Variants in EVL observed in about 807,000 individuals in gnomAD.
EVL encodes the protein ena/VASP-like protein.
Under a neutral mutation model 59.6 loss-of-function variants are expected in EVL, and 21 were observed. The ratio of observed to expected loss-of-function variants is 0.35; its 90% CI spans 0.25 to 0.51. The LOEUF (loss-of-function observed/expected upper bound fraction) is 0.51, where lower values mean the gene tolerates loss of function less well. EVL is among the 20% of genes least tolerant of loss of function. EVL has a pLI of 0.97. For synonymous variants in EVL, 198 were observed against 203.5 expected (o/e 0.97, Z 0.23); for missense variants, 462 against 546.6 (o/e 0.85, Z 1.54).
intron 2 of EVL, among the ~76,000 whole-genome samples, chr14:100,092,545 G>T (rs1286111444): frequency 6.6e-6 from 1 of 152,096 alleles, no homozygotes; most frequent in African/African-American, 2.4e-5. Context: ...GATCAGCCTG[G>T]CCAACATGGT....
chr14:99,972,422 C>A lies in EVL; in HGVS notation c.5+365C>A, dbSNP rs948494867. Among the ~76,000 whole-genome samples the A allele has an allele frequency of 2.0e-5, 3 of 152,068 alleles. No individual in the cohort carries two copies. Among genetic ancestry groups the A allele is most frequent in the Admixed American group, 2.0e-4 (3 of 15,282 alleles). On this transcript the variant is annotated intron_variant, in intron 1 of 13. Coordinates refer to the EVL transcript ENST00000402714. This position sits in a 1 kb window ranked among gnomAD's most constrained non-coding sequence, Gnocchi z 4.4. ...GGCCGTGTCCCGACCGCGCGAGGAC[C>A]GAAGTTGGCGGAAGCCCCTGTGCGG...
rs889779527 is a variant in EVL, at chr14:100,138,045, G to C, written c.1094+243G>C. 6 of 265,432 alleles carry C rather than the reference G, an allele frequency of 2.3e-5. No homozygotes were observed. In the Admixed American group the frequency reaches 3.4e-4, roughly 15 times the overall value. The allele number at this position is 265,432 out of a possible 1,614,324, so 16.4% of individuals were successfully genotyped here. A position where few individuals can be genotyped will look rare whatever the true frequency, so the allele number is the denominator to read the frequency against. ...GTGACCTGTCCACAGAGGTAGTGCA[G>C]GGGGGGGCCAACATGGAGTCCCAGC... is the stretch of plus-strand genomic sequence containing the variant. On this transcript the variant is annotated intron_variant, in intron 11 of 13. Coordinates refer to ENST00000392920, the MANE Select transcript of EVL (RefSeq NM_016337.3).
intron 1 of EVL, among the ~76,000 whole-genome samples, chr14:100,010,606 A>G (rs2061010785): frequency 6.6e-6 from 1 of 152,166 alleles, no homozygotes; most frequent in African/African-American, 2.4e-5. Flanking sequence ...CATGTTGGCC[A>G]GGCTGGTCTC....
At chr14:100,137,138 C>T (rs1888846307) in intron 9 of EVL, 1 of 194,318 alleles carries the variant, frequency 5.1e-6, no homozygotes, top group Non-Finnish European at 1.1e-5. Context: ...TTAAAAAAGA[C>T]AAGCCAGCCA....
At chr14:100,018,885 T>C (rs564823461) in intron 1 of EVL, among the ~76,000 whole-genome samples, 2 of 152,336 alleles carry the variant, frequency 1.3e-5, no homozygotes, top group South Asian at 4.1e-4. Context: ...TGGCATCTCG[T>C]TTCCTCCTTC....
chr14:100,103,785 G>A (rs552263310), intron 3 of EVL, among the ~76,000 whole-genome samples: 6 of 152,274 alleles, frequency 3.9e-5, no homozygotes, highest in African/African-American at 7.2e-5. Flanking sequence ...GGATCCCAGC[G>A]CCCATCACAG....
At chr14:100,075,572 C>G (rs895944399) in intron 1 of EVL, among the ~76,000 whole-genome samples, 1 of 152,154 alleles carries the variant, frequency 6.6e-6, no homozygotes, top group Non-Finnish European at 1.5e-5. Context: ...CTGCAGAGCC[C>G]GGGCCAGAGG....
At chr14:100,091,849 T>C (rs898505921) in intron 2 of EVL, among the ~76,000 whole-genome samples, 3 of 152,206 alleles carry the variant, frequency 2.0e-5, no homozygotes, top group African/African-American at 7.2e-5. Context: ...CCGTGGAACC[T>C]GATGCTGTCT....
In EVL at chr14:99,988,248, T is replaced by A. The variant is rs374359134; in HGVS notation, c.5+16191T>A. ...CCTGATTTTAAAATGGGCAAATTAT[T>A]TGAATAGATACCTTTCTGAAGAAGA... On this transcript the variant is annotated intron_variant, in intron 1 of 13. Coordinates refer to the EVL transcript ENST00000402714. Among the ~76,000 whole-genome samples, 3 of 152,136 alleles carry A rather than the reference T, an allele frequency of 2.0e-5. 1 individual carries two copies. The highest frequency in any genetic ancestry group is 7.2e-5 in the African/African-American group (3 of 41,510).
intron 11 of EVL, 30 bp from the exon 12 acceptor site, chr14:100,141,150 C>G: frequency 6.2e-7 from 1 of 1,610,956 alleles, no homozygotes; most frequent in Non-Finnish European, 8.5e-7. Context: ...TGTCTCCAGC[C>G]AGGGCACCCA....
At chr14:100,116,411 T>C (rs968190853) in intron 3 of EVL, among the ~76,000 whole-genome samples, 2 of 152,192 alleles carry the variant, frequency 1.3e-5, no homozygotes, top group African/African-American at 4.8e-5. Flanking sequence ...TCCGGTTCTA[T>C]CTTTTCAGGA....
chr14:100,029,989 T>C (rs922148075), intron 1 of EVL, among the ~76,000 whole-genome samples: 4 of 152,200 alleles, frequency 2.6e-5, no homozygotes, highest in African/African-American at 7.2e-5. Flanking sequence ...ACTTTTCTTA[T>C]CACCTTGAGC....
rs1048960622 is a variant in EVL, at chr14:99,972,214, A to G, written c.5+157A>G. On this transcript the variant is annotated intron_variant, in intron 1 of 13. Transcript: ENST00000402714. This position sits in a 1 kb window ranked among gnomAD's most constrained non-coding sequence, Gnocchi z 4.4. ...GCTCTGCAGAGATTCGGGGGCATTC[A>G]GAGCGCGGGAATGGCTTCGCGAGAG... Among the ~76,000 whole-genome samples the G allele has an allele frequency of 7.9e-5, 12 of 151,738 alleles. No homozygotes were observed. The highest frequency in any genetic ancestry group is 1.6e-4 in the Non-Finnish European group (11 of 67,906).
At chr14:100,000,242 A>G (rs2060937462) in intron 1 of EVL, among the ~76,000 whole-genome samples, 1 of 152,182 alleles carries the variant, frequency 6.6e-6, no homozygotes, top group Non-Finnish European at 1.5e-5. Flanking sequence ...CAGTCAATAA[A>G]TGTAAGATGT....
intron 1 of EVL, among the ~76,000 whole-genome samples, chr14:100,072,374 A>G (rs2062066008): frequency 6.6e-6 from 1 of 152,148 alleles, no homozygotes; most frequent in East Asian, 1.9e-4. Flanking sequence ...AGCTGGGACT[A>G]CAGGCATGCG....
intron 8 of EVL, 97 bp downstream of exon 8, chr14:100,132,876 G>A (rs1011622901): frequency 9.7e-6 from 13 of 1,344,390 alleles, no homozygotes; most frequent in African/African-American, 4.3e-5. Context: ...TGGGACATGC[G>A]TGGGATGGGC....
chr14:100,030,900 A>C (rs1274846321), intron 1 of EVL, among the ~76,000 whole-genome samples: 1 of 152,110 alleles, frequency 6.6e-6, no homozygotes, highest in South Asian at 2.1e-4. Flanking sequence ...TCCGTGTCCT[A>C]TTTCATTATC....
intron 4 of EVL, 129 bp from the exon 5 acceptor site, chr14:100,126,578 A>G (rs1888085023): frequency 1.1e-6 from 1 of 893,788 alleles, no homozygotes; most frequent in Non-Finnish European, 1.8e-6. Flanking sequence ...GCCGTGGCAC[A>G]CAGTGGCGCT....
At chr14:100,041,337 GTAAC>G (rs914796046) in intron 1 of EVL, among the ~76,000 whole-genome samples, 1 of 152,128 alleles carries the variant, frequency 6.6e-6, no homozygotes, top group Non-Finnish European at 1.5e-5. Flanking sequence ...TACAGTAATT[GTAAC>G]ATCCCTGTTT....
Sources: gnomAD v4.1 joint callset for allele counts (sites outside exome capture counted in the v4.1 genomes callset) on GRCh38, gnomAD v4.1.1 for gene constraint, Gnocchi (gnomAD v3.1) non-coding constraint, MANE v1.5 for transcripts, NCBI Gene and HGNC (gene_info 2026-07-23, HGNC 2026-07-21) for gene names.